The following TM2D1 variants were observed in gnomAD, a reference collection of about 807,000 sequenced individuals.
TM2D1 encodes the protein TM2 domain containing 1, also known as TM2 domain-containing protein 1.
Under a neutral mutation model 28.4 loss-of-function variants are expected in TM2D1, and 15 were observed. The observed-to-expected ratio is 0.53, with a 90% CI of 0.35 to 0.81. TM2D1 has a LOEUF of 0.81. Among genes scored for constraint, TM2D1 ranks in the 40% least tolerant of loss-of-function variants. TM2D1 has a pLI of 0.01. For synonymous variants in TM2D1, 93 were observed against 96.2 expected (o/e 0.97, Z 0.20); for missense variants, 236 against 254.9 (o/e 0.93, Z 0.50).
At chr1:61,701,208 T>A (rs1424393510) in intron 3 of TM2D1, among the ~76,000 whole-genome samples, 183 bp from the exon 4 acceptor site, 1 of 149,210 alleles carries the variant, frequency 6.7e-6, no homozygotes, top group Non-Finnish European at 1.5e-5. Flanking sequence ...GCAACAAAGA[T>A]CCCTATCCCC....
chr1:61,691,931 A>AT (rs1557527229), intron 5 of TM2D1, among the ~76,000 whole-genome samples: 56 of 95,328 alleles, frequency 5.9e-4, no homozygotes, highest in Non-Finnish European at 9.1e-4. Flanking sequence ...TAAAAAAAAA[A>AT]AATATATATA....
chr1:61,724,700 T>TA (rs992040832), intron 1 of TM2D1, among the ~76,000 whole-genome samples: 2 of 151,222 alleles, frequency 1.3e-5, no homozygotes, highest in Admixed American at 6.6e-5. Context: ...AGCACACTGA[T>TA]AAAAAAGAAA....
intron 5 of TM2D1, among the ~76,000 whole-genome samples, chr1:61,690,448 C>T (rs1409256626): frequency 1.2e-5 from 1 of 85,438 alleles, no homozygotes; most frequent in Non-Finnish European, 2.0e-5. Context: ...TAGGGCAAGA[C>T]TCAGTCTCAA....
At chr1:61,686,404 C>G (rs1358558716) in intron 5 of TM2D1, among the ~76,000 whole-genome samples, 1 of 152,120 alleles carries the variant, frequency 6.6e-6, no homozygotes, top group Non-Finnish European at 1.5e-5. Flanking sequence ...TGCCTGTAAT[C>G]CCAGCACTTT....
intron 4 of TM2D1, chr1:61,700,041 G>T: frequency 1.6e-6 from 2 of 1,256,592 alleles, no homozygotes; most frequent in Non-Finnish European, 2.0e-6. Flanking sequence ...AATTTGCTCA[G>T]TGAAGGGCTA....
At chr1:61,692,658 G>A (rs1488362330) in intron 5 of TM2D1, among the ~76,000 whole-genome samples, 2 of 152,178 alleles carry the variant, frequency 1.3e-5, no homozygotes, top group Non-Finnish European at 2.9e-5. Flanking sequence ...CACTTTGGGA[G>A]GCTGAGATGA....
At chr1:61,713,907 G>A (rs1251685554) in intron 2 of TM2D1, among the ~76,000 whole-genome samples, 1 of 26,976 alleles carries the variant, frequency 3.7e-5, no homozygotes, top group East Asian at 8.8e-4. Flanking sequence ...TTTTTTTTTT[G>A]AGACGGAGTC....
intron 5 of TM2D1, among the ~76,000 whole-genome samples, chr1:61,688,873 C>T (rs544995642): frequency 4.7e-5 from 7 of 150,252 alleles, no homozygotes; most frequent in African/African-American, 1.5e-4. Flanking sequence ...GGTGAAACGC[C>T]ATCTCTACTA....
At chr1:61,713,109 G>T (rs547814261) in intron 2 of TM2D1, among the ~76,000 whole-genome samples, 5 of 151,342 alleles carry the variant, frequency 3.3e-5, no homozygotes, top group African/African-American at 9.7e-5. Context: ...GGCAGAGGTT[G>T]TAGTGAGTTG....
At chr1:61,707,990 A>G (rs149660872) in intron 3 of TM2D1, among the ~76,000 whole-genome samples, 15 of 152,334 alleles carry the variant, frequency 9.8e-5, no homozygotes, top group African/African-American at 3.4e-4. Context: ...TTTTTAGTAC[A>G]AAGCAGGAAC....
intron 2 of TM2D1, among the ~76,000 whole-genome samples, chr1:61,720,093 T>C (rs1007367692): frequency 6.6e-6 from 1 of 152,190 alleles, no homozygotes; most frequent in African/African-American, 2.4e-5. Context: ...TATACTTTAA[T>C]ACAAACTTAA....
At chr1:61,691,776 G>T (rs1411112113) in intron 5 of TM2D1, among the ~76,000 whole-genome samples, 1 of 149,302 alleles carries the variant, frequency 6.7e-6, no homozygotes, top group African/African-American at 2.5e-5. Flanking sequence ...TTAGCCAGGC[G>T]TAGTGGTGTG....
At chr1:61,712,274 T>A (rs759257633) in intron 2 of TM2D1, among the ~76,000 whole-genome samples, 1 of 152,186 alleles carries the variant, frequency 6.6e-6, no homozygotes, top group Non-Finnish European at 1.5e-5. Flanking sequence ...TATAGATTAG[T>A]CATCTTCAAA....
At chr1:61,717,474 A>T (rs1398526395) in intron 2 of TM2D1, among the ~76,000 whole-genome samples, 2 of 152,196 alleles carry the variant, frequency 1.3e-5, no homozygotes, top group African/African-American at 4.8e-5. Flanking sequence ...TCTTGCAAAA[A>T]GGTTTGGTTC....
At chr1:61,700,388 T>C in intron 4 of TM2D1, 1 of 1,226,774 alleles carries the variant, frequency 8.2e-7, no homozygotes, top group Non-Finnish European at 1.0e-6. Flanking sequence ...GTAAATAGTT[T>C]TCATAAGCAT....
chr1:61,697,237 G>T (rs1311678734), intron 4 of TM2D1, among the ~76,000 whole-genome samples: 2 of 152,070 alleles, frequency 1.3e-5, no homozygotes, highest in East Asian at 1.9e-4. Context: ...TCACTGTAAT[G>T]ATTAAACCTT....
Position 61,703,924 on chromosome 1 carries a change from T to C in TM2D1, c.348-2899A>G, listed in dbSNP as rs1248004681. On this transcript the variant is annotated intron_variant, in intron 3 of 6. Coordinates refer to ENST00000606498, the MANE Select transcript of TM2D1 (RefSeq NM_032027.3). ...GGCACCCACCACCACACCCGGCTAATTTTTGTATTTTTAGTAAGACGGGGT... is the reference window on the plus strand; with the variant it reads ...GGCACCCACCACCACACCCGGCTAACTTTTGTATTTTTAGTAAGACGGGGT... Among the ~76,000 whole-genome samples the C allele has an allele frequency of 3.3e-5, 5 of 151,706 alleles. No homozygotes were observed. The East Asian group carries it at 7.7e-4, about 23-fold the overall frequency.
chr1:61,711,185 C>G (rs537793264), intron 2 of TM2D1, among the ~76,000 whole-genome samples: 1 of 149,232 alleles, frequency 6.7e-6, no homozygotes, highest in Non-Finnish European at 1.5e-5. Flanking sequence ...AAAAAATTAG[C>G]CAGGCATGGT....
intron 3 of TM2D1, among the ~76,000 whole-genome samples, chr1:61,708,607 A>G (rs1644456247): frequency 6.6e-6 from 1 of 152,228 alleles, no homozygotes; most frequent in Non-Finnish European, 1.5e-5. Flanking sequence ...CATATTTATC[A>G]CAAAGAATAA....
Sources: allele counts gnomAD v4.1 joint callset (sites outside exome capture counted in the v4.1 genomes callset), GRCh38; gene constraint gnomAD v4.1.1; transcripts MANE v1.5; gene names NCBI Gene and HGNC (gene_info 2026-07-23, HGNC 2026-07-21).